Variants in RFX8 observed in about 807,000 individuals in gnomAD.
The protein encoded by RFX8 is regulatory factor X8.
RFX8 carries 46 observed loss-of-function variants against 54.6 expected under a neutral mutation model. The ratio of observed to expected loss-of-function variants is 0.84; its 90% CI spans 0.67 to 1.08. The LOEUF is 1.08. Among genes scored for constraint, RFX8 ranks in the 50% least tolerant of loss-of-function variants. The probability of loss-of-function intolerance (pLI) is 0.00; values close to 1 mark genes in which losing one functional copy is unlikely to be tolerated. For synonymous variants in RFX8, 192 were observed against 209.5 expected, an observed-to-expected ratio of 0.92 and a Z score of 0.72; for missense variants, 536 against 562.3, an observed-to-expected ratio of 0.95 and a Z score of 0.47.
intron 1 of RFX8, among the ~76,000 whole-genome samples, chr2:101,472,992 C>T (rs781433617): frequency 2.0e-5 from 3 of 151,732 alleles, no homozygotes; most frequent in African/African-American, 7.3e-5. Flanking sequence ...GCACTCCAGA[C>T]TGGGCAACAG....
At chr2:101,430,260 C>T (rs1157599765) in intron 2 of RFX8, among the ~76,000 whole-genome samples, 2 of 152,134 alleles carry the variant, frequency 1.3e-5, no homozygotes, top group East Asian at 1.9e-4. Context: ...GCTAGAGGAG[C>T]CAAAGGCAAA....
chr2:101,463,465 C>A (rs1455113720), intron 2 of RFX8, among the ~76,000 whole-genome samples: 1 of 152,156 alleles, frequency 6.6e-6, no homozygotes, highest in Non-Finnish European at 1.5e-5. Context: ...GCTCATCCAC[C>A]CTCTGTGCAG....
intron 2 of RFX8, chr2:101,452,481 GA>G (rs1192434739): frequency 9.0e-7 from 1 of 1,109,124 alleles, no homozygotes; most frequent in Non-Finnish European, 1.2e-6. Flanking sequence ...GTTGCAACTT[GA>G]AAACTTAGAA....
rs1418814613 is a variant in RFX8 at position 101,418,853 on chromosome 2, T to G, written c.349A>C (p.Lys117Gln). The G allele has an allele frequency of 5.8e-6, 9 of 1,542,600 alleles. No individual in the cohort carries two copies. Among genetic ancestry groups the G allele is most frequent in the Middle Eastern group, 3.4e-4 (2 of 5,886 alleles). Reference protein sequence around the residue: ...LFKCYDVQLYKGIEDVLLHDF... With the variant: ...LFKCYDVQLYQGIEDVLLHDF... ...TAGAGACTCACGCGTCCTCCTACCT[T>G]GTACAGCTGGACGTCGTAGCATTTA... The change falls in exon 5 of 12, where the codon AAG becomes CAG. Residue 117 changes from lysine (K) to glutamine (Q), a missense_variant and splice_region_variant. Lys to Gln is a moderately conservative substitution (Grantham distance 53). Coordinates refer to ENST00000428343, the MANE Select transcript of RFX8 (RefSeq NM_001145664.2).
intron 1 of RFX8, among the ~76,000 whole-genome samples, chr2:101,467,579 G>A (rs955358460): frequency 1.4e-4 from 22 of 152,220 alleles, no homozygotes; most frequent in Non-Finnish European, 2.6e-4. Flanking sequence ...AGCACAGAGC[G>A]AATGCAGCAG....
chr2:101,408,282 G>A (rs931779958), intron 9 of RFX8, among the ~76,000 whole-genome samples: 1 of 152,002 alleles, frequency 6.6e-6, no homozygotes, highest in Non-Finnish European at 1.5e-5. Flanking sequence ...TCAGGAGATG[G>A]AGACCATCCT....
At chr2:101,441,123 C>T (rs938453259) in intron 2 of RFX8, among the ~76,000 whole-genome samples, 1 of 152,094 alleles carries the variant, frequency 6.6e-6, no homozygotes, top group African/African-American at 2.4e-5. Context: ...CCCGCCACCA[C>T]GGCCGGCTAA....
intron 2 of RFX8, among the ~76,000 whole-genome samples, chr2:101,424,881 G>C (rs1481829216): frequency 6.6e-6 from 1 of 152,112 alleles, no homozygotes; most frequent in East Asian, 1.9e-4. Context: ...TCGGGGCCTG[G>C]GGGAGGGATA....
intron 2 of RFX8, among the ~76,000 whole-genome samples, chr2:101,433,370 A>T (rs1476187500): frequency 1.3e-5 from 2 of 152,250 alleles, no homozygotes; most frequent in East Asian, 3.9e-4. Context: ...GGCACTGGCA[A>T]ATTGCCCACT....
At chr2:101,458,676 C>T (rs7578899) in intron 2 of RFX8, among the ~76,000 whole-genome samples, 52,473 of 152,016 alleles carry the variant, frequency 0.35, 9,729 homozygotes, top group African/African-American at 0.44. Context: ...GTGAATCTGA[C>T]AATTAAGTGT....
chr2:101,459,380 C>G (rs1000615476), intron 2 of RFX8, among the ~76,000 whole-genome samples: 1 of 152,106 alleles, frequency 6.6e-6, no homozygotes, highest in African/African-American at 2.4e-5. Context: ...ATGTTGGTGA[C>G]CTACAGATGG....
At chr2:101,454,104 GCT>G (rs1347082375) in intron 2 of RFX8, among the ~76,000 whole-genome samples, 2 of 146,210 alleles carry the variant, frequency 1.4e-5, no homozygotes, top group East Asian at 4.1e-4. Flanking sequence ...GTGTTCATGT[GCT>G]CTCATTGTTC....
intron 5 of RFX8, 33 bp from the exon 6 acceptor site, chr2:101,417,717 G>A: frequency 6.6e-7 from 1 of 1,522,542 alleles, no homozygotes; most frequent in Non-Finnish European, 8.9e-7. Context: ...CTATGATTCT[G>A]CTGATGGTGC....
chr2:101,410,461 C>G (rs1022266274), intron 9 of RFX8, among the ~76,000 whole-genome samples, 158 bp downstream of exon 9: 5 of 151,322 alleles, frequency 3.3e-5, no homozygotes, highest in Non-Finnish European at 5.9e-5. Flanking sequence ...CCACCTGCTA[C>G]AGAGTTCGAG....
chr2:101,409,368 G>A (rs993859383), intron 9 of RFX8, among the ~76,000 whole-genome samples: 1 of 152,034 alleles, frequency 6.6e-6, no homozygotes, highest in African/African-American at 2.4e-5. Context: ...GACTACAGGC[G>A]CATGACATCA....
intron 4 of RFX8, among the ~76,000 whole-genome samples, chr2:101,419,993 C>T (rs7565429): frequency 0.25 from 37,349 of 152,102 alleles, 4,911 homozygotes; most frequent in South Asian, 0.36. Context: ...GTTGCGCTTG[C>T]CTCTGAAATA....
chr2:101,398,533 C>T (rs189274306), intron 11 of RFX8, among the ~76,000 whole-genome samples: 22 of 152,142 alleles, frequency 1.4e-4, no homozygotes, highest in South Asian at 2.1e-4. Flanking sequence ...TTCCCCCATC[C>T]GTCAAATAAA....
At chr2:101,412,787 A>G in intron 8 of RFX8, 128 bp downstream of exon 8, 1 of 930,090 alleles carries the variant, frequency 1.1e-6, no homozygotes, top group South Asian at 1.8e-5. Flanking sequence ...AAGTGTGAGC[A>G]GACAACTTAG....
At chr2:101,421,252 G>A in intron 4 of RFX8, 6 of 985,542 alleles carry the variant, frequency 6.1e-6, no homozygotes, top group Non-Finnish European at 7.2e-6. Flanking sequence ...ACTCAGAATA[G>A]CTGAAAGATT....
Sources: gnomAD v4.1 joint callset for allele counts (sites outside exome capture counted in the v4.1 genomes callset) on GRCh38, gnomAD v4.1.1 for gene constraint, MANE v1.5 for transcripts, NCBI Gene and HGNC (gene_info 2026-07-23, HGNC 2026-07-21) for gene names.